Variants in ITGA9 observed in about 807,000 individuals in gnomAD.
The protein encoded by ITGA9 is integrin subunit alpha 9, also known as integrin alpha-9.
In ITGA9, 56 loss-of-function variants were observed where a neutral mutation model predicts 127.8. That is an observed-to-expected ratio of 0.44 (90% CI 0.35 to 0.55). ITGA9 has a LOEUF of 0.55. Ranked by LOEUF, ITGA9 falls within the 20% of genes least tolerant of loss-of-function variation. The pLI, the probability that ITGA9 is intolerant of heterozygous loss-of-function variation, is 0.00. For missense variants in ITGA9, 1,196 were observed against 1,347.1 expected, an observed-to-expected ratio of 0.89 and a Z score of 1.76; for synonymous variants, 508 against 514.5, an observed-to-expected ratio of 0.99 and a Z score of 0.17.
At chr3:37,757,789 TA>T (rs918396020) in intron 23 of ITGA9, among the ~76,000 whole-genome samples, 1 of 151,602 alleles carries the variant, frequency 6.6e-6, no homozygotes, top group Non-Finnish European at 1.5e-5. Flanking sequence ...ACCTATATCT[TA>T]AAAAAAATCA....
At chr3:37,563,778 A>C (rs564367437) in intron 15 of ITGA9, among the ~76,000 whole-genome samples, 15 of 152,156 alleles carry the variant, frequency 9.9e-5, no homozygotes, top group Non-Finnish European at 2.1e-4. Flanking sequence ...TAGGCAGCAG[A>C]CACTGGGTGT....
chr3:37,516,697 G>A (rs751305900), intron 9 of ITGA9, among the ~76,000 whole-genome samples: 1 of 152,168 alleles, frequency 6.6e-6, no homozygotes, highest in South Asian at 2.1e-4. Context: ...CCAGACACTC[G>A]TGGGATGGCC....
chr3:37,720,603 A>G (rs1405352738), intron 18 of ITGA9, among the ~76,000 whole-genome samples: 3 of 152,224 alleles, frequency 2.0e-5, no homozygotes, highest in African/African-American at 4.8e-5. Flanking sequence ...TAACAGAAGG[A>G]AAAACTTCCT....
At chr3:37,777,331 C>T (rs921894631) in intron 23 of ITGA9, 61 bp from the exon 24 acceptor site, 3 of 1,595,480 alleles carry the variant, frequency 1.9e-6, no homozygotes, top group Non-Finnish European at 2.6e-6. Context: ...CAATAAGAGG[C>T]TCCAGCATCA....
At chr3:37,527,275 G>A (rs1174025252) in intron 13 of ITGA9, among the ~76,000 whole-genome samples, 2 of 152,180 alleles carry the variant, frequency 1.3e-5, no homozygotes, top group African/African-American at 4.8e-5. Context: ...CATTCCTATG[G>A]CTTTTGCACC....
chr3:37,804,547 G>A (rs75912608), intron 27 of ITGA9, among the ~76,000 whole-genome samples: 1,707 of 152,272 alleles, frequency 0.011, 38 homozygotes, highest in African/African-American at 0.037. Context: ...TCCTTTCAGA[G>A]ACCCGGAGTC....
chr3:37,787,502 C>T (rs1376537504), intron 26 of ITGA9, among the ~76,000 whole-genome samples: 1 of 152,064 alleles, frequency 6.6e-6, no homozygotes, highest in East Asian at 1.9e-4. Flanking sequence ...TTTTAGCACT[C>T]CTAAGAAAAA....
intron 15 of ITGA9, among the ~76,000 whole-genome samples, chr3:37,567,538 A>G (rs1187220316): frequency 2.0e-5 from 3 of 152,168 alleles, no homozygotes; most frequent in African/African-American, 7.2e-5. Flanking sequence ...CCACAGTCCA[A>G]AGTCTCATAT....
intron 13 of ITGA9, among the ~76,000 whole-genome samples, chr3:37,529,100 G>A (rs188393710): frequency 2.0e-5 from 3 of 152,266 alleles, no homozygotes; most frequent in Admixed American, 2.0e-4. Flanking sequence ...CCCTTACTGA[G>A]TAGCACTCCA....
At chr3:37,743,843 A>AAGAC (rs1559585242) in intron 21 of ITGA9, 83 bp from the exon 22 acceptor site, 1 of 952,744 alleles carries the variant, frequency 1.0e-6, no homozygotes, top group Non-Finnish European at 1.7e-6. Context: ...AAATTGAGAC[A>AAGAC]AATGTTTGCT....
chr3:37,474,041 A>G (rs1339806700), intron 3 of ITGA9, among the ~76,000 whole-genome samples: 1 of 152,230 alleles, frequency 6.6e-6, no homozygotes, highest in African/African-American at 2.4e-5. Flanking sequence ...TCCCCATTGT[A>G]CGTATCAGTA....
At chr3:37,800,816 C>T (rs1697227604) in intron 26 of ITGA9, among the ~76,000 whole-genome samples, 2 of 152,162 alleles carry the variant, frequency 1.3e-5, no homozygotes, top group Admixed American at 6.5e-5. Flanking sequence ...TACTGTACAG[C>T]AGTGAGAGTG....
At chr3:37,454,971 GGC>G (rs1698240808) in intron 1 of ITGA9, among the ~76,000 whole-genome samples, 1 of 152,120 alleles carries the variant, frequency 6.6e-6, no homozygotes, top group Non-Finnish European at 1.5e-5. Context: ...TATTGTGCAA[GGC>G]TGCTGAAACT....
Position 37,785,036 on chromosome 3 carries a change from A to G in ITGA9, c.2847A>G (p.Leu949=), listed in dbSNP as rs757718749. ...SRAKVKVDPA[L]RVVEIAHGNP... is the part of the protein sequence containing the mutation. ...CCAAGGTGAAGGTGGATCCTGCCCT[A>G]AGGGTGGTGGAAATAGCTCATGGGA... Residue 949 remains leucine (L), a synonymous_variant, in exon 26 of 28, where the codon CTA becomes CTG. Coordinates refer to ENST00000264741, the MANE Select transcript of ITGA9 (RefSeq NM_002207.3). The G allele has an allele frequency of 1.5e-5, 25 of 1,614,074 alleles. No individual in the cohort carries two copies. The East Asian group carries it at 4.9e-4, about 32-fold the overall frequency.
At chr3:37,694,880 C>T (rs1210470957) in intron 18 of ITGA9, among the ~76,000 whole-genome samples, 1 of 152,192 alleles carries the variant, frequency 6.6e-6, no homozygotes, top group Non-Finnish European at 1.5e-5. Context: ...TCGAGAACTT[C>T]AGTGTCCTAG....
At chr3:37,471,222 T>C in intron 2 of ITGA9, 88 bp downstream of exon 2, 1 of 1,443,400 alleles carries the variant, frequency 6.9e-7, no homozygotes, top group Non-Finnish European at 9.7e-7. Flanking sequence ...GATCATTCAC[T>C]CACCCATCCA....
At chr3:37,605,822 G>A (rs538430708) in intron 15 of ITGA9, among the ~76,000 whole-genome samples, 2 of 152,246 alleles carry the variant, frequency 1.3e-5, no homozygotes, top group Admixed American at 6.5e-5. Flanking sequence ...AAGGGAGGGC[G>A]GCTGGTTAAA....
chr3:37,530,811 G>A (rs1354411908), intron 13 of ITGA9, among the ~76,000 whole-genome samples: 2 of 131,380 alleles, frequency 1.5e-5, no homozygotes, highest in Admixed American at 9.2e-5. Flanking sequence ...GAGTGCAGTG[G>A]CGCGATCTTG....
intron 16 of ITGA9, among the ~76,000 whole-genome samples, chr3:37,648,331 A>G (rs1268865061): frequency 6.6e-6 from 1 of 152,172 alleles, no homozygotes; most frequent in African/African-American, 2.4e-5. Context: ...GGGGTGATAT[A>G]TTCAAAGTAT....
Sources: gnomAD v4.1 joint callset for allele counts (sites outside exome capture counted in the v4.1 genomes callset) on GRCh38, gnomAD v4.1.1 for gene constraint, MANE v1.5 for transcripts, NCBI Gene and HGNC (gene_info 2026-07-23, HGNC 2026-07-21) for gene names.